EPHA6: variants seen among roughly 807,000 people sequenced by gnomAD.
EPHA6 encodes the protein EPH receptor A6.
In EPHA6, 50 loss-of-function variants were observed where a neutral mutation model predicts 112.0. The ratio of observed to expected loss-of-function variants is 0.45; its 90% CI spans 0.36 to 0.56. The LOEUF is 0.56. EPHA6 is among the 20% of genes least tolerant of loss of function. The pLI, the probability that EPHA6 is intolerant of heterozygous loss-of-function variation, is 0.00. For missense variants in EPHA6, 1,280 were observed against 1,417.4 expected, an observed-to-expected ratio of 0.90 and a Z score of 1.56; for synonymous variants, 529 against 490.7, an observed-to-expected ratio of 1.08 and a Z score of -1.03.
Position 97,751,074 on chromosome 3 carries a change from A to C in EPHA6, c.*2373A>C, listed in dbSNP as rs1295351195. Among the ~76,000 whole-genome samples, 1 of 152,132 alleles carries C rather than the reference A, an allele frequency of 6.6e-6. No homozygotes were observed. The highest frequency in any genetic ancestry group is 2.1e-4 in the South Asian group (1 of 4,830). ...GATATAAAACAGATTAAATTTATTA[A>C]TCATATATTTATTTTTATAATACAA... On this transcript the variant is annotated 3_prime_UTR_variant, in exon 18 of 18. Coordinates refer to ENST00000389672, the MANE Select transcript of EPHA6 (RefSeq NM_001080448.3).
chr3:97,043,835 G>T (rs1208654691), intron 3 of EPHA6, among the ~76,000 whole-genome samples: 2 of 152,152 alleles, frequency 1.3e-5, no homozygotes, highest in East Asian at 3.9e-4. Flanking sequence ...AGGTCCTAAT[G>T]CCTCTATTTA....
chr3:97,167,700 C>G (rs1420087964), intron 3 of EPHA6, among the ~76,000 whole-genome samples: 1 of 151,936 alleles, frequency 6.6e-6, no homozygotes, highest in Admixed American at 6.6e-5. Context: ...GAATAGTGTT[C>G]ATTAAGACAC....
intron 2 of EPHA6, among the ~76,000 whole-genome samples, chr3:96,897,856 A>T (rs1371928937): frequency 6.6e-6 from 1 of 152,180 alleles, no homozygotes; most frequent in Non-Finnish European, 1.5e-5. Context: ...AGAATATATG[A>T]ATTTGGCAAT....
In EPHA6 at chr3:96,882,730, C is replaced by CTGTGTG. The variant is rs1207060710; in HGVS notation, c.450+15875_450+15880dup. Among the ~76,000 whole-genome samples the CTGTGTG allele has an allele frequency of 2.9e-3, 370 of 129,312 alleles. 4 individuals are homozygous for CTGTGTG. The highest frequency in any genetic ancestry group is 5.4e-3 in the South Asian group (21 of 3,900). The allele number at this position is 129,312 out of a possible 152,430, so 84.8% of individuals were successfully genotyped here. A position where few individuals can be genotyped will look rare whatever the true frequency, so the allele number is the denominator to read the frequency against. ...GGATTCGTAGTATTCCATTGTGTGT[C>CTGTGTG]TGTGTGTGTGTGTGTGTGTGTGTGT... On this transcript the variant is annotated intron_variant, in intron 2 of 17. Coordinates refer to ENST00000389672, the MANE Select transcript of EPHA6 (RefSeq NM_001080448.3).
intron 5 of EPHA6, among the ~76,000 whole-genome samples, chr3:97,308,193 C>T (rs533966227): frequency 1.3e-5 from 2 of 151,782 alleles, no homozygotes; most frequent in South Asian, 4.1e-4. Flanking sequence ...TTAACTCAAG[C>T]CATGATTATT....
chr3:96,912,418 T>A (rs2039264643), intron 2 of EPHA6, among the ~76,000 whole-genome samples: 1 of 152,074 alleles, frequency 6.6e-6, no homozygotes, highest in Non-Finnish European at 1.5e-5. Context: ...GATTTCAATA[T>A]TGTGAGATAA....
At chr3:97,043,464 C>G (rs1362274756) in intron 3 of EPHA6, among the ~76,000 whole-genome samples, 3 of 152,072 alleles carry the variant, frequency 2.0e-5, no homozygotes, top group Non-Finnish European at 4.4e-5. Context: ...CCTGGAAAAC[C>G]TTGCCAAGAA....
At chr3:96,893,239 CTG>C (rs2038077985) in intron 2 of EPHA6, among the ~76,000 whole-genome samples, 2 of 152,182 alleles carry the variant, frequency 1.3e-5, no homozygotes, top group African/African-American at 4.8e-5. Flanking sequence ...TTATAAATGA[CTG>C]TGTTACTGGT....
chr3:96,876,264 C>A (rs145942479), intron 2 of EPHA6, among the ~76,000 whole-genome samples: 72 of 151,160 alleles, frequency 4.8e-4, no homozygotes, highest in African/African-American at 1.6e-3. Flanking sequence ...TAATTATTTT[C>A]TATTTTAAGT....
chr3:96,844,121 A>G (rs557722159), intron 1 of EPHA6, among the ~76,000 whole-genome samples: 2 of 152,156 alleles, frequency 1.3e-5, no homozygotes, highest in South Asian at 2.1e-4. Context: ...TAAAACTGCC[A>G]CAAGGAGTAT....
chr3:97,055,516 A>G (rs998867334), intron 3 of EPHA6, among the ~76,000 whole-genome samples: 1 of 152,170 alleles, frequency 6.6e-6, no homozygotes, highest in Admixed American at 6.6e-5. Flanking sequence ...AGTTAGATTC[A>G]TATGGAAATA....
intron 14 of EPHA6, among the ~76,000 whole-genome samples, chr3:97,678,426 T>C (rs912826765): frequency 6.6e-6 from 1 of 152,092 alleles, no homozygotes; most frequent in African/African-American, 2.4e-5. Context: ...AAGTTGAGGA[T>C]GGACCCAGAA....
chr3:97,364,072 A>G (rs1029681276), intron 5 of EPHA6, among the ~76,000 whole-genome samples: 1 of 152,050 alleles, frequency 6.6e-6, no homozygotes, highest in Non-Finnish European at 1.5e-5. Context: ...AATGTTCTGG[A>G]GATAGATAAC....
chr3:97,253,599 C>T (rs551180839), intron 5 of EPHA6, among the ~76,000 whole-genome samples: 1 of 152,002 alleles, frequency 6.6e-6, no homozygotes, highest in Non-Finnish European at 1.5e-5. Flanking sequence ...CCTAAGTAAT[C>T]TTTTATTAAA....
intron 5 of EPHA6, among the ~76,000 whole-genome samples, chr3:97,371,219 C>T (rs115860492): frequency 9.9e-5 from 15 of 151,946 alleles, no homozygotes; most frequent in African/African-American, 3.6e-4. Flanking sequence ...TTTAAATTTA[C>T]TTCTTAAAGG....
chr3:96,947,158 T>C (rs569882305), intron 2 of EPHA6, among the ~76,000 whole-genome samples: 14 of 152,320 alleles, frequency 9.2e-5, no homozygotes, highest in African/African-American at 3.1e-4. Context: ...GTAGTTTCTT[T>C]TGCTGTGCAG....
chr3:97,637,226 G>A (rs1434619771), intron 13 of EPHA6, among the ~76,000 whole-genome samples: 1 of 152,004 alleles, frequency 6.6e-6, no homozygotes, highest in Non-Finnish European at 1.5e-5. Context: ...TTCCAATCAG[G>A]AGCTAAAATT....
At chr3:97,476,704 G>C (rs1364650309) in intron 8 of EPHA6, among the ~76,000 whole-genome samples, 2 of 152,050 alleles carry the variant, frequency 1.3e-5, no homozygotes, top group Non-Finnish European at 2.9e-5. Flanking sequence ...CAGTGTATTA[G>C]ATATAGTTGT....
chr3:97,101,665 G>A (rs1331144192), intron 3 of EPHA6, among the ~76,000 whole-genome samples: 1 of 151,914 alleles, frequency 6.6e-6, no homozygotes, highest in Non-Finnish European at 1.5e-5. Flanking sequence ...TTACTTTTAG[G>A]TTTCTGTTTA....
Sources: gnomAD v4.1 joint callset for allele counts (sites outside exome capture counted in the v4.1 genomes callset) on GRCh38, gnomAD v4.1.1 for gene constraint, MANE v1.5 for transcripts, NCBI Gene and HGNC (gene_info 2026-07-23, HGNC 2026-07-21) for gene names.